ABCA4: variants seen among roughly 807,000 people sequenced by gnomAD.
ABCA4 encodes retinal-specific phospholipid-transporting ATPase ABCA4.
In ABCA4, 196 loss-of-function variants were observed where a neutral mutation model predicts 263.7. That is an observed-to-expected ratio of 0.74 (90% confidence interval 0.66 to 0.84). ABCA4 has a LOEUF of 0.84. Ranked by LOEUF, ABCA4 falls within the 40% of genes least tolerant of loss-of-function variation. The pLI is 0.00. For synonymous variants in ABCA4, 1,133 were observed against 1,094.2 expected (o/e 1.04, Z -0.70); for missense variants, 2,792 against 2,855.1 (o/e 0.98, Z 0.50).
At position 94,081,226 on chromosome 1, in the gene ABCA4, AAAC is replaced by A. The variant is rs371923043; in HGVS notation, c.859-511_859-509del. On this transcript the variant is annotated intron_variant, in intron 7 of 49. Coordinates refer to ENST00000370225, the MANE Select transcript of ABCA4 (RefSeq NM_000350.3). ...GGCGACTGAGCAATACTCCGTCTCA[AAAC>A]AACAACAACAACAACAACAAATCAC... Among the ~76,000 whole-genome samples, 24 of 152,030 alleles carry A rather than the reference AAAC, an allele frequency of 1.6e-4. No homozygotes were observed. Among genetic ancestry groups the A allele is most frequent in the South Asian group, 6.2e-4 (3 of 4,806 alleles).
At chr1:94,068,955 C>T (rs966548416) in intron 11 of ABCA4, among the ~76,000 whole-genome samples, 8 of 152,240 alleles carry the variant, frequency 5.3e-5, no homozygotes, top group African/African-American at 1.4e-4. Context: ...GGGCTTTCCT[C>T]CTCCCCTTTA....
chr1:94,044,892 C>G (rs1660631219), intron 19 of ABCA4, 148 bp from the exon 20 acceptor site: 7 of 1,094,134 alleles, frequency 6.4e-6, no homozygotes, highest in Non-Finnish European at 9.6e-6. Flanking sequence ...GCTGTGGGGC[C>G]CCCTTAGCAC....
At chr1:94,000,253 A>G (rs1659136305) in intron 47 of ABCA4, among the ~76,000 whole-genome samples, 1 of 152,244 alleles carries the variant, frequency 6.6e-6, no homozygotes, top group African/African-American at 2.4e-5. Context: ...ATATGCTGAT[A>G]ATCTTAAACT....
intron 11 of ABCA4, among the ~76,000 whole-genome samples, chr1:94,066,992 C>T (rs1429127654): frequency 6.6e-6 from 1 of 152,194 alleles, no homozygotes; most frequent in Non-Finnish European, 1.5e-5. Context: ...TATTGGCCAG[C>T]ACAGTTCCAA....
At chr1:94,023,240 T>G in intron 32 of ABCA4, 146 bp downstream of exon 32, 1 of 692,044 alleles carries the variant, frequency 1.4e-6, no homozygotes, top group Non-Finnish European at 2.6e-6. Flanking sequence ...CCTAGCCACA[T>G]ATTCTTCAGG....
At chr1:94,109,993 T>C (rs775883624) in intron 3 of ABCA4, among the ~76,000 whole-genome samples, 2 of 152,200 alleles carry the variant, frequency 1.3e-5, no homozygotes, top group African/African-American at 4.8e-5. Flanking sequence ...CTATAGACAC[T>C]GCCAGGGCCG....
At chr1:94,084,137 T>C (rs1661774945) in intron 6 of ABCA4, among the ~76,000 whole-genome samples, 1 of 152,240 alleles carries the variant, frequency 6.6e-6, no homozygotes, top group Admixed American at 6.5e-5. Flanking sequence ...GAGACTGATG[T>C]GAACATCTGG....
intron 14 of ABCA4, 48 bp downstream of exon 14, chr1:94,060,489 A>G: frequency 6.4e-7 from 1 of 1,564,868 alleles, no homozygotes; most frequent in Non-Finnish European, 8.8e-7. Context: ...GAAAGGGGAA[A>G]GGAACCAAAG....
chr1:94,102,165 C>T (rs1285377263), intron 5 of ABCA4, among the ~76,000 whole-genome samples: 2 of 152,046 alleles, frequency 1.3e-5, no homozygotes, highest in Non-Finnish European at 1.5e-5. Context: ...ATGTGCAAGT[C>T]GTGAGTTAGT....
In ABCA4 at chr1:94,098,023, C is replaced by T. The variant is rs188181343; in HGVS notation, c.768+771G>A. On this transcript the variant is annotated intron_variant, in intron 6 of 49. Coordinates refer to ENST00000370225, the MANE Select transcript of ABCA4 (RefSeq NM_000350.3). Reference sequence around the variant, plus strand: ...CCGCCCGCCTCGGCCTCCCAAAGTGCTGGGATTACAGGCGTGAGCCACTGC... The same window carrying T: ...CCGCCCGCCTCGGCCTCCCAAAGTGTTGGGATTACAGGCGTGAGCCACTGC... Among the ~76,000 whole-genome samples the T allele has an allele frequency of 4.0e-3, 613 of 152,318 alleles. 4 individuals carry two copies. Among genetic ancestry groups the T allele is most frequent in the Non-Finnish European group, 6.8e-3 (460 of 68,034 alleles).
intron 45 of ABCA4, 34 bp from the exon 46 acceptor site, chr1:94,001,139 T>A: frequency 1.3e-6 from 2 of 1,562,756 alleles, no homozygotes; most frequent in Non-Finnish European, 1.8e-6. Flanking sequence ...GGGCACAGGC[T>A]GGGAGCTGGC....
At chr1:94,021,157 G>T in intron 35 of ABCA4, 83 bp downstream of exon 35, 1 of 1,585,684 alleles carries the variant, frequency 6.3e-7, no homozygotes, top group African/African-American at 1.3e-5. Context: ...TCAGCACTTC[G>T]CGGTGGTGAG....
chr1:94,019,509 G>A, intron 36 of ABCA4, 73 bp downstream of exon 36: 1 of 1,500,090 alleles, frequency 6.7e-7, no homozygotes, highest in Non-Finnish European at 9.0e-7. Context: ...CTCTTGGTCT[G>A]GTCCTTCAGA....
intron 30 of ABCA4, among the ~76,000 whole-genome samples, chr1:94,026,181 G>A (rs552576836): frequency 1.3e-4 from 20 of 152,204 alleles, no homozygotes; most frequent in African/African-American, 4.8e-4. Context: ...CCGTTATTGC[G>A]CACCATTCTT....
Position 94,047,096 on chromosome 1 carries a change from T to C in ABCA4, c.2744-3A>G, listed in dbSNP as rs1308206461. On this transcript the variant is annotated splice_region_variant and splice_polypyrimidine_tract_variant and intron_variant, in intron 18 of 49. Transcript: ENST00000370225. ...ATGCTCACGTTCAAAGAAGGAGTCTTGGAGGAAAAAAAATGAACATGATGT... is the reference window on the plus strand; with the variant it reads ...ATGCTCACGTTCAAAGAAGGAGTCTCGGAGGAAAAAAAATGAACATGATGT... The C allele has an allele frequency of 6.2e-7, 1 of 1,613,956 alleles. No homozygotes were observed. Among genetic ancestry groups the C allele is most frequent in the Admixed American group, 1.7e-5 (1 of 60,012 alleles).
intron 5 of ABCA4, among the ~76,000 whole-genome samples, chr1:94,101,635 A>G (rs1369399194): frequency 6.6e-6 from 1 of 152,178 alleles, no homozygotes; most frequent in African/African-American, 2.4e-5. Context: ...GGGTTAACAC[A>G]GGCTCTGAAG....
chr1:94,008,389 A>G lies in ABCA4; in HGVS notation c.5836-92T>C, dbSNP rs1659456360. The stretch of plus-strand genomic sequence containing the variant: ...CAAAGAGCAAAGGATGGTTTAGGAG[A>G]AAACTACCAGCACTAGGAGGTTACA... On this transcript the variant is annotated intron_variant, in intron 41 of 49. Coordinates refer to ENST00000370225, the MANE Select transcript of ABCA4 (RefSeq NM_000350.3). 6 of 1,303,862 alleles carry G rather than the reference A, an allele frequency of 4.6e-6. No individual in the cohort carries two copies. In the South Asian group the frequency reaches 4.8e-5, roughly 10 times the overall value. The allele number at this position is 1,303,862 out of a possible 1,614,324, so 80.8% of individuals were successfully genotyped here.
chr1:94,060,848 C>A, intron 13 of ABCA4, 89 bp from the exon 14 acceptor site: 4 of 1,126,238 alleles, frequency 3.6e-6, no homozygotes, highest in Non-Finnish European at 5.3e-6. Context: ...GTGTTGAGAA[C>A]AAAGCCCAGA....
At position 94,101,009 on chromosome 1, in the gene ABCA4, G is replaced by C. The variant is rs150516584; in HGVS notation, c.570+2006C>G. 2.7e-4 allele frequency among the ~76,000 whole-genome samples: 41 copies of C among 152,338 alleles called. 1 individual carries two copies. The highest frequency in any genetic ancestry group is 3.4e-3 in the Middle Eastern group (1 of 294). On this transcript the variant is annotated intron_variant, in intron 5 of 49. Transcript: ENST00000370225. ...CGGGTTGGCTGGAACGTGCCTCTGC[G>C]AAGCGCAGATGGCTCAGCGTTTGCT...
Sources: gnomAD v4.1 joint callset for allele counts (sites outside exome capture counted in the v4.1 genomes callset) on GRCh38, gnomAD v4.1.1 for gene constraint, MANE v1.5 for transcripts, NCBI Gene and HGNC (gene_info 2026-07-23, HGNC 2026-07-21) for gene names.